SGCD: variants seen among roughly 807,000 people sequenced by gnomAD.
The protein encoded by SGCD is sarcoglycan delta, also known as delta-sarcoglycan.
SGCD carries 18 observed loss-of-function variants against 36.6 expected under a neutral mutation model. That is an observed-to-expected ratio of 0.49 (90% confidence interval 0.34 to 0.73). The LOEUF is 0.73. Ranked by LOEUF, SGCD falls within the 30% of genes least tolerant of loss-of-function variation. The pLI is 0.01. For synonymous variants in SGCD, 133 were observed against 130.6 expected (o/e 1.02, Z -0.12); for missense variants, 387 against 346.7 (o/e 1.12, Z -0.92).
intron 6 of SGCD, among the ~76,000 whole-genome samples, chr5:156,622,701 A>G (rs770805668): frequency 5.3e-5 from 8 of 152,080 alleles, no homozygotes; most frequent in Non-Finnish European, 1.0e-4. Context: ...GACTGGACAA[A>G]GGGGGGTGTG....
chr5:155,972,807 C>A (rs929627423), intron 1 of SGCD, among the ~76,000 whole-genome samples: 1 of 152,056 alleles, frequency 6.6e-6, no homozygotes, highest in Non-Finnish European at 1.5e-5. Flanking sequence ...ATTTGCATTT[C>A]TTGGATTAAC....
chr5:156,349,039 A>G (rs915069680), intron 3 of SGCD, among the ~76,000 whole-genome samples: 5 of 152,176 alleles, frequency 3.3e-5, no homozygotes, highest in African/African-American at 1.2e-4. Flanking sequence ...AAAATTGGAT[A>G]GCTACACGAA....
chr5:156,700,958 A>AG (rs909416701), intron 7 of SGCD, among the ~76,000 whole-genome samples: 6 of 151,026 alleles, frequency 4.0e-5, no homozygotes, highest in South Asian at 2.1e-4. Flanking sequence ...AAAAAAAAAA[A>AG]AGAGAGAGAG....
At chr5:156,444,377 G>T (rs1273807415) in intron 3 of SGCD, among the ~76,000 whole-genome samples, 1 of 152,030 alleles carries the variant, frequency 6.6e-6, no homozygotes, top group African/African-American at 2.4e-5. Context: ...GATAGACACG[G>T]TGCCTCTGCT....
At chr5:155,788,505 T>C in the SGCD span, among the ~76,000 whole-genome samples, 2 of 152,300 alleles carry the variant, frequency 1.3e-5, no homozygotes, top group East Asian at 3.9e-4. Context: ...ACATCTATGT[T>C]AGGTAGAATT....
chr5:156,380,029 G>C (rs1255937263), intron 3 of SGCD, among the ~76,000 whole-genome samples: 1 of 151,904 alleles, frequency 6.6e-6, no homozygotes, highest in African/African-American at 2.4e-5. Flanking sequence ...CAAAGTGTGG[G>C]CTCCCCCAGG....
chr5:156,493,195 G>A (rs1198819881), intron 3 of SGCD, among the ~76,000 whole-genome samples: 1 of 152,118 alleles, frequency 6.6e-6, no homozygotes, highest in African/African-American at 2.4e-5. Flanking sequence ...ATACATTGGA[G>A]AATGGCTGAA....
In SGCD at chr5:156,164,756, G is replaced by A. The variant is rs985616622; in HGVS notation, c.-44+40737G>A. On this transcript the variant is annotated intron_variant, in intron 3 of 9. Coordinates refer to the SGCD transcript ENST00000517913. ...CAAATCAAAACACTGGCATATATGA[G>A]TACATGAAGTGTACAAAACACTGTG... Among the ~76,000 whole-genome samples, 3 of 152,174 alleles carry A rather than the reference G, an allele frequency of 2.0e-5. No homozygotes were observed. In the East Asian group the frequency reaches 5.8e-4, roughly 29 times the overall value.
chr5:156,349,038 T>C (rs1405328100), intron 3 of SGCD, among the ~76,000 whole-genome samples: 1 of 152,110 alleles, frequency 6.6e-6, no homozygotes, highest in Admixed American at 6.6e-5. Context: ...GAAAATTGGA[T>C]AGCTACACGA....
chr5:156,630,842 G>A (rs1239312689), intron 6 of SGCD, among the ~76,000 whole-genome samples: 1 of 152,100 alleles, frequency 6.6e-6, no homozygotes, highest in Non-Finnish European at 1.5e-5. Flanking sequence ...AGATCTTAGG[G>A]CACATTGTGG....
chr5:156,428,539 G>A (rs1055776907), intron 3 of SGCD, among the ~76,000 whole-genome samples: 1 of 151,508 alleles, frequency 6.6e-6, no homozygotes, highest in South Asian at 2.1e-4. Context: ...TTTTTATTTA[G>A]TTCTGCTCTG....
intron 3 of SGCD, among the ~76,000 whole-genome samples, chr5:156,251,634 C>G (rs967292893): frequency 6.6e-6 from 1 of 152,002 alleles, no homozygotes; most frequent in Non-Finnish European, 1.5e-5. Context: ...CCTGCCTCAG[C>G]CTCCCCAGTA....
Position 156,761,913 on chromosome 5 carries a change from A to G in SGCD, c.*2523A>G, listed in dbSNP as rs1450336732. On this transcript the variant is annotated 3_prime_UTR_variant, in exon 9 of 9. Coordinates refer to ENST00000337851, the MANE Select transcript of SGCD (RefSeq NM_000337.6). ...GAACAGACATAACATTCAATTTTTC[A>G]TTTATGCTAAGTGACCACAGTATAC... 1 of 152,330 alleles carries G rather than the reference A, an allele frequency of 6.6e-6. No individual in the cohort carries two copies. Among genetic ancestry groups the G allele is most frequent in the Non-Finnish European group, 1.5e-5 (1 of 68,034 alleles). 9.4% of individuals were successfully genotyped at this position (152,330 alleles called of 1,614,324 possible).
intron 3 of SGCD, among the ~76,000 whole-genome samples, chr5:156,457,959 G>A (rs1037044487): frequency 2.0e-5 from 3 of 152,268 alleles, no homozygotes; most frequent in African/African-American, 7.2e-5. Flanking sequence ...GCTATGCTAT[G>A]TCTTCCAGAG....
intron 3 of SGCD, among the ~76,000 whole-genome samples, chr5:156,264,588 G>T (rs1765954622): frequency 6.6e-6 from 1 of 151,854 alleles, no homozygotes; most frequent in African/African-American, 2.4e-5. Flanking sequence ...CCTTTTTTGG[G>T]TAAATTGATA....
chr5:156,389,006 C>A (rs1388914094), intron 3 of SGCD, among the ~76,000 whole-genome samples: 1 of 152,128 alleles, frequency 6.6e-6, no homozygotes, highest in Non-Finnish European at 1.5e-5. Flanking sequence ...AGGTACAATA[C>A]AATTCTTATC....
At chr5:155,867,588 G>A (rs1755547802), upstream of SGCD, among the ~76,000 whole-genome samples, 1 of 152,162 alleles carries the variant, frequency 6.6e-6, no homozygotes, top group Non-Finnish European at 1.5e-5. Flanking sequence ...GCTTATCATG[G>A]AAGATCCCTG....
Position 156,647,470 on chromosome 5 carries a change from A to C in SGCD, c.509A>C (p.Glu170Ala). ...GAERLRVLGA[E>A]GTVFPKSIET... The stretch of plus-strand genomic sequence containing the variant: ...TTTTCTGTTTTGTTTACAGGAGCGG[A>C]GGGCACAGTGTTCCCTAAATCTATA... Residue 170 changes from glutamate (E) to alanine (A), a missense_variant, in exon 7 of 9, where the codon GAG (glutamate) becomes GCG (alanine). Coordinates refer to ENST00000337851, the MANE Select transcript of SGCD (RefSeq NM_000337.6). 1 of 1,582,198 alleles carries C rather than the reference A, an allele frequency of 6.3e-7. No individual in the cohort carries two copies. The highest frequency in any genetic ancestry group is 8.6e-7 in the Non-Finnish European group (1 of 1,161,868).
chr5:155,897,609 T>C (rs965780947), intron 1 of SGCD, among the ~76,000 whole-genome samples: 6 of 152,126 alleles, frequency 3.9e-5, no homozygotes, highest in Non-Finnish European at 8.8e-5. Context: ...AAGTTGTATA[T>C]GAATATTTTC....
Sources: allele counts gnomAD v4.1 joint callset (sites outside exome capture counted in the v4.1 genomes callset), GRCh38; gene constraint gnomAD v4.1.1; transcripts MANE v1.5; gene names NCBI Gene and HGNC (gene_info 2026-07-23, HGNC 2026-07-21).